NUDCD1: variants seen among roughly 807,000 people sequenced by gnomAD.
The protein encoded by NUDCD1 is nudC domain-containing protein 1.
In NUDCD1, 60 loss-of-function variants were observed where a neutral mutation model predicts 67.8. That is an observed-to-expected ratio of 0.88 (90% confidence interval 0.72 to 1.10). NUDCD1 has a LOEUF of 1.10. Ranked by LOEUF, NUDCD1 falls within the 50% of genes least tolerant of loss-of-function variation. NUDCD1 has a pLI of 0.00. For synonymous variants in NUDCD1, 244 were observed against 230.8 expected, an observed-to-expected ratio of 1.06 and a Z score of -0.52; for missense variants, 643 against 695.0, an observed-to-expected ratio of 0.93 and a Z score of 0.84.
chr8:109,246,026 G>T (rs543667651), intron 8 of NUDCD1, among the ~76,000 whole-genome samples: 27 of 152,244 alleles, frequency 1.8e-4, no homozygotes, highest in African/African-American at 3.4e-4. Flanking sequence ...TAGGCTGTCT[G>T]CCTTATGAGA....
intron 8 of NUDCD1, among the ~76,000 whole-genome samples, chr8:109,263,552 C>T (rs1033320648): frequency 6.6e-6 from 1 of 152,204 alleles, no homozygotes; most frequent in Non-Finnish European, 1.5e-5. Context: ...GGCAGGTTAA[C>T]TTGTTAGCCT....
At chr8:109,317,577 CAGTT>C (rs1223576518) in intron 2 of NUDCD1, among the ~76,000 whole-genome samples, 1 of 152,130 alleles carries the variant, frequency 6.6e-6, no homozygotes, top group Admixed American at 6.5e-5. Context: ...GTGGATTAAA[CAGTT>C]AGTACGTGTA....
intron 2 of NUDCD1, among the ~76,000 whole-genome samples, chr8:109,316,929 G>C (rs920052747): frequency 1.3e-5 from 2 of 152,054 alleles, no homozygotes; most frequent in African/African-American, 4.8e-5. Context: ...AAATTAAGCA[G>C]AAAACAAGCT....
intron 5 of NUDCD1, among the ~76,000 whole-genome samples, chr8:109,288,985 T>A (rs1814637580): frequency 1.0e-5 from 1 of 100,188 alleles, no homozygotes; most frequent in Non-Finnish European, 2.0e-5. Flanking sequence ...TAGTCTTTTC[T>A]TTTTTTTTTT....
intron 2 of NUDCD1, among the ~76,000 whole-genome samples, chr8:109,300,145 TAAG>T (rs908165406): frequency 2.6e-5 from 4 of 152,068 alleles, no homozygotes; most frequent in African/African-American, 7.2e-5. Context: ...CCTACCCAAA[TAAG>T]AAGGAATCAG....
chr8:109,261,827 T>TAAATTTAG (rs1813869086), intron 8 of NUDCD1, among the ~76,000 whole-genome samples: 1 of 152,182 alleles, frequency 6.6e-6, no homozygotes, highest in Non-Finnish European at 1.5e-5. Context: ...TTTCTAAATG[T>TAAATTTAG]AAATTTTCTT....
At chr8:109,328,524 A>G (rs1247256215) in intron 1 of NUDCD1, among the ~76,000 whole-genome samples, 1 of 152,196 alleles carries the variant, frequency 6.6e-6, no homozygotes, top group Non-Finnish European at 1.5e-5. Flanking sequence ...CAGGCTACAG[A>G]AAGAACCATC....
chr8:109,325,434 G>A (rs548784944), intron 1 of NUDCD1, among the ~76,000 whole-genome samples: 40 of 152,068 alleles, frequency 2.6e-4, no homozygotes, highest in Non-Finnish European at 3.2e-4. Flanking sequence ...ATTACACACC[G>A]TATGCATGCA....
chr8:109,296,337 T>C, intron 3 of NUDCD1, 47 bp downstream of exon 3: 1 of 1,450,288 alleles, frequency 6.9e-7, no homozygotes. Flanking sequence ...AGGGTGTAAT[T>C]TACATATACT....
At chr8:109,309,741 TAAAAG>T (rs911022444) in intron 2 of NUDCD1, among the ~76,000 whole-genome samples, 2 of 151,974 alleles carry the variant, frequency 1.3e-5, no homozygotes, top group African/African-American at 4.8e-5. Context: ...CTAGAACTGA[TAAAAG>T]AATTCAGCAG....
In NUDCD1 at chr8:109,296,543, C is replaced by T. The variant is rs189698928; in HGVS notation, c.300G>A (p.Glu100=). ...TCAAATCTGTAGGAAGTCGAAACAC[C>T]TCTCGTGGTTTTCCTAAGGCAGTGT... ...MLDTALGKPR[E]VFRLPTDLTA... The change falls in exon 3 of 10, where the codon GAG becomes GAA. Residue 100 remains glutamate (E), a synonymous_variant. Coordinates refer to ENST00000239690, the MANE Select transcript of NUDCD1 (RefSeq NM_032869.4). 8.1e-6 allele frequency: 13 copies of T among 1,608,246 alleles called. No homozygotes were observed. In the Admixed American group the frequency reaches 2.0e-4, roughly 25 times the overall value.
At chr8:109,282,805 C>A (rs990825048) in intron 5 of NUDCD1, among the ~76,000 whole-genome samples, 15 of 150,244 alleles carry the variant, frequency 1.0e-4, no homozygotes, top group African/African-American at 3.7e-4. Context: ...ACGTTCTGCA[C>A]ATGTATCCCA....
chr8:109,288,784 G>A (rs979265743), intron 5 of NUDCD1, among the ~76,000 whole-genome samples: 2 of 151,848 alleles, frequency 1.3e-5, no homozygotes, highest in African/African-American at 4.8e-5. Flanking sequence ...AACAAAAAAG[G>A]GAGATTCAAA....
At chr8:109,264,846 T>C (rs1158581480) in intron 8 of NUDCD1, among the ~76,000 whole-genome samples, 1 of 150,218 alleles carries the variant, frequency 6.7e-6, no homozygotes, top group Non-Finnish European at 1.5e-5. Flanking sequence ...ATGACATTCC[T>C]CCTACTTTTT....
chr8:109,289,722 C>A (rs2980617), intron 5 of NUDCD1, 29 bp downstream of exon 5: 443,746 of 1,134,294 alleles, frequency 0.39, 88,882 homozygotes, highest in Admixed American at 0.5. Context: ...ATGAAAATAC[C>A]AATAAGCTCT....
chr8:109,293,152 T>C (rs1326246161), intron 4 of NUDCD1, among the ~76,000 whole-genome samples, 192 bp downstream of exon 4: 1 of 152,126 alleles, frequency 6.6e-6, no homozygotes, highest in Non-Finnish European at 1.5e-5. Context: ...GGATGCACAC[T>C]GCAATTTTTT....
intron 8 of NUDCD1, among the ~76,000 whole-genome samples, chr8:109,253,668 C>G (rs1211983533): frequency 1.3e-5 from 2 of 152,152 alleles, no homozygotes; most frequent in African/African-American, 4.8e-5. Flanking sequence ...AACGATTGTA[C>G]TTCCAGTACC....
chr8:109,265,745 T>C (rs935873738), intron 8 of NUDCD1, among the ~76,000 whole-genome samples: 1 of 152,128 alleles, frequency 6.6e-6, no homozygotes, highest in African/African-American at 2.4e-5. Context: ...TATCAGGCAT[T>C]AGTCTCATAA....
intron 1 of NUDCD1, among the ~76,000 whole-genome samples, chr8:109,324,780 A>G (rs568980541): frequency 2.0e-5 from 3 of 152,342 alleles, no homozygotes; most frequent in Middle Eastern, 3.4e-3. Context: ...ACTGGAGGTC[A>G]TTAAGTGAAA....
Sources: allele counts gnomAD v4.1 joint callset (sites outside exome capture counted in the v4.1 genomes callset), GRCh38; gene constraint gnomAD v4.1.1; transcripts MANE v1.5; gene names NCBI Gene and HGNC (gene_info 2026-07-23, HGNC 2026-07-21).